Variants in CUBN observed in about 807,000 individuals in gnomAD.
CUBN encodes the protein cubilin.
Under a neutral mutation model 405.3 loss-of-function variants are expected in CUBN, and 282 were observed. The ratio of observed to expected loss-of-function variants is 0.70; its 90% CI spans 0.63 to 0.77. The LOEUF (loss-of-function observed/expected upper bound fraction) is 0.77. Among genes scored for constraint, CUBN ranks in the 30% least tolerant of loss-of-function variants. The pLI, the probability that CUBN is intolerant of heterozygous loss-of-function variation, is 0.00. For missense variants in CUBN, 4,514 were observed against 4,475.2 expected (o/e 1.01, Z -0.25); for synonymous variants, 1,684 against 1,617.0 (o/e 1.04, Z -0.99).
chr10:16,928,241 G>T lies in CUBN; in HGVS notation c.6187C>A (p.Arg2063=), dbSNP rs781180388. The T allele has an allele frequency of 1.2e-6, 2 of 1,613,802 alleles. No homozygotes were observed. Among genetic ancestry groups the T allele is most frequent in the Non-Finnish European group, 8.5e-7 (1 of 1,179,870 alleles). The change falls in exon 41 of 67, where the codon CGG becomes AGG. Residue 2063 remains arginine (R), a synonymous_variant. Transcript: ENST00000377833. ...LCGREIPGPI[R]STGEYMFIRF... ...ATGAACATGTACTCTCCAGTAGACC[G>T]GATGGGCCCAGGGATCTCTCTGCCA... is the stretch of plus-strand genomic sequence containing the variant.
At chr10:16,992,116 T>C (rs951671700) in intron 28 of CUBN, among the ~76,000 whole-genome samples, 1 of 152,058 alleles carries the variant, frequency 6.6e-6, no homozygotes, top group African/African-American at 2.4e-5. Flanking sequence ...CTGGAAACCA[T>C]CATTCTGAGC....
At chr10:16,849,639 A>C (rs1431451672) in intron 60 of CUBN, among the ~76,000 whole-genome samples, 2 of 152,136 alleles carry the variant, frequency 1.3e-5, no homozygotes, top group African/African-American at 2.4e-5. Flanking sequence ...TTTTCTTTTA[A>C]AATTATTTTC....
chr10:16,965,956 G>A (rs763329096), intron 31 of CUBN: 16 of 471,004 alleles, frequency 3.4e-5, no homozygotes, highest in East Asian at 6.9e-5. Context: ...TCTGTCTGAC[G>A]TCCGACCAAG....
chr10:16,959,466 T>C (rs1843159066), intron 31 of CUBN, among the ~76,000 whole-genome samples: 1 of 151,950 alleles, frequency 6.6e-6, no homozygotes, highest in Non-Finnish European at 1.5e-5. Flanking sequence ...CCATCTCTAC[T>C]AAAAATACAA....
Position 16,831,331 on chromosome 10 carries a change from A to G in CUBN, c.10449T>C (p.Asn3483=). Residue 3483 remains asparagine, a synonymous_variant, in exon 65 of 67, where the codon AAT becomes AAC. Transcript: ENST00000377833. ...LLPNPVFSQN[N]ELYLRFKSDS... ...CACTCTTAAATCGTAGGTATAGTTC[A>G]TTATTTTGAGAGAAGACAGGGTTTG... 1 of 1,614,002 alleles carries G rather than the reference A, an allele frequency of 6.2e-7. No individual in the cohort carries two copies. Among genetic ancestry groups the G allele is most frequent in the Non-Finnish European group, 8.5e-7 (1 of 1,179,838 alleles).
At chr10:16,868,124 A>T (rs1020282906) in intron 59 of CUBN, among the ~76,000 whole-genome samples, 2 of 152,102 alleles carry the variant, frequency 1.3e-5, no homozygotes, top group African/African-American at 4.8e-5. Context: ...TCACCTACAC[A>T]ATTCTGTTAA....
chr10:17,015,687 T>C (rs907757123), intron 28 of CUBN, among the ~76,000 whole-genome samples: 4 of 152,184 alleles, frequency 2.6e-5, no homozygotes, highest in Non-Finnish European at 4.4e-5. Flanking sequence ...TGTTGGATCA[T>C]CTGGTTGGGG....
intron 52 of CUBN, 39 bp downstream of exon 52, chr10:16,901,299 A>G (rs1055296295): frequency 1.5e-5 from 24 of 1,613,742 alleles, no homozygotes; most frequent in East Asian, 2.2e-5. Context: ...TTGTGGTTCT[A>G]TTGTCTCAGA....
intron 28 of CUBN, among the ~76,000 whole-genome samples, chr10:17,013,868 G>T (rs992559081): frequency 1.3e-5 from 2 of 152,190 alleles, no homozygotes; most frequent in African/African-American, 4.8e-5. Flanking sequence ...ACTTTCATCA[G>T]TATATAGGTT....
Position 17,045,187 on chromosome 10 carries a change from A to G in CUBN, c.3492T>C (p.Gly1164=). 2.5e-6 allele frequency: 4 copies of G among 1,613,472 alleles called. No homozygotes were observed. Among genetic ancestry groups the G allele is most frequent in the East Asian group, 2.2e-5 (1 of 44,854 alleles). ...TTGAAGTGGTGAGATTACCCCCGCA[A>G]CCTACAGGAGAAAGAAGTGGAATGA... ...FSAYWDGSST[G]CGGNLTTSSG... The change falls in exon 25 of 67, where the codon GGT becomes GGC. Residue 1164 remains glycine, a splice_region_variant and synonymous_variant. Transcript: ENST00000377833.
intron 39 of CUBN, 60 bp from the exon 40 acceptor site, chr10:16,933,344 C>A: frequency 6.7e-7 from 1 of 1,503,598 alleles, no homozygotes; most frequent in South Asian, 1.1e-5. Flanking sequence ...CTAGCTAGCA[C>A]TTTTTCACTT....
chr10:17,037,424 A>G (rs1834925155), intron 27 of CUBN, among the ~76,000 whole-genome samples: 2 of 152,246 alleles, frequency 1.3e-5, no homozygotes, highest in African/African-American at 4.8e-5. Context: ...TCATAAATTC[A>G]TAATAATTCA....
chr10:16,969,978 C>A (rs898067995), intron 31 of CUBN, among the ~76,000 whole-genome samples: 23 of 152,186 alleles, frequency 1.5e-4, no homozygotes, highest in Admixed American at 1.5e-3. Flanking sequence ...CCCACAAATG[C>A]AACTCCTAAC....
At chr10:16,900,195 G>A (rs959457608) in intron 53 of CUBN, among the ~76,000 whole-genome samples, 2 of 152,124 alleles carry the variant, frequency 1.3e-5, no homozygotes, top group Non-Finnish European at 2.9e-5. Context: ...TTATTTTCCT[G>A]CCCTCAGCTC....
At chr10:16,983,198 A>G (rs966253374) in intron 30 of CUBN, among the ~76,000 whole-genome samples, 1 of 152,228 alleles carries the variant, frequency 6.6e-6, no homozygotes, top group Admixed American at 6.5e-5. Flanking sequence ...ATAAGCCAAT[A>G]ATAGAAAACT....
intron 48 of CUBN, among the ~76,000 whole-genome samples, chr10:16,909,513 T>C (rs1841660462): frequency 6.6e-6 from 1 of 152,148 alleles, no homozygotes; most frequent in African/African-American, 2.4e-5. Context: ...AGGAAAAATA[T>C]TTCTATAATG....
chr10:17,066,802 T>A (rs1464619857), intron 21 of CUBN, among the ~76,000 whole-genome samples: 1 of 152,114 alleles, frequency 6.6e-6, no homozygotes, highest in Admixed American at 6.5e-5. Flanking sequence ...GATAAAGACA[T>A]TTTAAAATAT....
intron 31 of CUBN, among the ~76,000 whole-genome samples, chr10:16,968,548 G>C (rs7099135): frequency 0.19 from 29,080 of 152,110 alleles, 3,216 homozygotes; most frequent in Non-Finnish European, 0.25. Flanking sequence ...ACATTCCAAT[G>C]ATCTGAGCAA....
At chr10:16,994,487 A>T (rs1440268149) in intron 28 of CUBN, among the ~76,000 whole-genome samples, 1 of 152,168 alleles carries the variant, frequency 6.6e-6, no homozygotes. Flanking sequence ...TCCTGCCATT[A>T]CCAGTCATAT....
Sources: gnomAD v4.1 joint callset for allele counts (sites outside exome capture counted in the v4.1 genomes callset) on GRCh38, gnomAD v4.1.1 for gene constraint, MANE v1.5 for transcripts, NCBI Gene and HGNC (gene_info 2026-07-23, HGNC 2026-07-21) for gene names.